EPDR1: variants seen among roughly 807,000 people sequenced by gnomAD.
EPDR1 encodes mammalian ependymin-related protein 1.
EPDR1 carries 27 observed loss-of-function variants against 23.7 expected under a neutral mutation model. The ratio of observed to expected loss-of-function variants is 1.14; its 90% CI spans 0.84 to 1.57. The LOEUF (loss-of-function observed/expected upper bound fraction) is 1.57. EPDR1 is among the 40% of genes most tolerant of loss of function. EPDR1 has a pLI of 0.00. For synonymous variants in EPDR1, 137 were observed against 118.2 expected (o/e 1.16, Z -1.03); for missense variants, 349 against 290.4 (o/e 1.20, Z -1.47).
At position 37,921,132 on chromosome 7, in the gene EPDR1, G is replaced by A; in HGVS notation, c.193G>A (p.Ala65Thr). The A allele has an allele frequency of 3.1e-6, 5 of 1,595,754 alleles. No homozygotes were observed. The highest frequency in any genetic ancestry group is 1.7e-4 in the Middle Eastern group (1 of 5,912). ...YQQSSGRNSR[A>T]LLSYDGLNQR... The stretch of plus-strand genomic sequence containing the variant: ...GCAAAGTAGCGGGCGCAACAGCCGC[G>A]CCCTGCTCTCCTACGACGGGCTCAA... The change falls in exon 1 of 3, where the codon GCC (alanine) becomes ACC (threonine). Residue 65 changes from alanine (A) to threonine (T), a missense_variant. By Grantham distance (58) the Ala-to-Thr change is moderately conservative. Coordinates refer to ENST00000199448, the MANE Select transcript of EPDR1 (RefSeq NM_017549.5).
At chr7:37,948,698 T>G in intron 1 of EPDR1, 142 bp from the exon 2 acceptor site, 1 of 647,850 alleles carries the variant, frequency 1.5e-6, no homozygotes, top group Non-Finnish European at 2.7e-6. Context: ...ATGTGCCTAG[T>G]GTTTATAAAC....
chr7:37,940,011 A>G (rs565361490), intron 1 of EPDR1, among the ~76,000 whole-genome samples: 2 of 152,336 alleles, frequency 1.3e-5, no homozygotes, highest in African/African-American at 4.8e-5. Context: ...TGTTAATATC[A>G]AAGGAATAGA....
intron 1 of EPDR1, among the ~76,000 whole-genome samples, chr7:37,921,820 C>T (rs1211330488): frequency 6.6e-6 from 1 of 152,098 alleles, no homozygotes; most frequent in African/African-American, 2.4e-5. Flanking sequence ...TGATCAAAAG[C>T]CATACGTTAT....
intron 1 of EPDR1, among the ~76,000 whole-genome samples, chr7:37,934,268 G>T (rs947394311): frequency 6.6e-6 from 1 of 152,096 alleles, no homozygotes; most frequent in African/African-American, 2.4e-5. Flanking sequence ...GAGCCACCAC[G>T]CCCGACCTAC....
Position 37,951,081 on chromosome 7 carries a change from T to A in EPDR1, c.*685T>A, listed in dbSNP as rs1468022352. 1 of 152,246 alleles carries A rather than the reference T, an allele frequency of 6.6e-6. No homozygotes were observed. Among genetic ancestry groups the A allele is most frequent in the Non-Finnish European group, 1.5e-5 (1 of 68,048 alleles). 9.4% of individuals were successfully genotyped at this position (152,246 alleles called of 1,614,324 possible). ...CAAGGCAGTTTAGAGAATCCTAATG[T>A]CTACACTGGCATAGCACGAGCCATG... On this transcript the variant is annotated 3_prime_UTR_variant, in exon 3 of 3. Coordinates refer to ENST00000199448, the MANE Select transcript of EPDR1 (RefSeq NM_017549.5).
chr7:37,946,604 G>A (rs1786281657), intron 1 of EPDR1, among the ~76,000 whole-genome samples: 1 of 152,184 alleles, frequency 6.6e-6, no homozygotes, highest in South Asian at 2.1e-4. Context: ...AACTGCCTCA[G>A]GCAGGTCCTT....
Position 37,937,293 on chromosome 7 carries a change from A to C in EPDR1, c.270-11547A>C, listed in dbSNP as rs542916143. ...AACAAAATAAAACCACACAGTTATG[A>C]TAGAAAACATGATGCATTCCTTTAT... On this transcript the variant is annotated intron_variant, in intron 1 of 2. Transcript: ENST00000199448. 2.0e-5 allele frequency among the ~76,000 whole-genome samples: 3 copies of C among 152,368 alleles called. No individual in the cohort carries two copies. In the South Asian group the frequency reaches 6.2e-4, roughly 32 times the overall value.
rs772387938 is a variant in EPDR1 at position 37,921,197 on chromosome 7, C to T, written c.258C>T (p.Ile86=). Residue 86 remains isoleucine (I), a synonymous_variant, in exon 1 of 3, where the codon ATC becomes ATT. Coordinates refer to ENST00000199448, the MANE Select transcript of EPDR1 (RefSeq NM_017549.5). The stretch of plus-strand genomic sequence containing the variant: ...TGCTGGACGAGAGGAAGGCGCTGAT[C>T]CCCTGCAAGAGGTACAGGTCATCGG... ...VRVLDERKAL[I]PCKRLFEYIL... The T allele has an allele frequency of 1.9e-6, 3 of 1,589,346 alleles. No individual in the cohort carries two copies. Among genetic ancestry groups the T allele is most frequent in the East Asian group, 2.3e-5 (1 of 43,660 alleles).
At chr7:37,926,017 C>T (rs1785802446) in intron 1 of EPDR1, among the ~76,000 whole-genome samples, 1 of 152,126 alleles carries the variant, frequency 6.6e-6, no homozygotes, top group African/African-American at 2.4e-5. Flanking sequence ...CGGGCCCAAA[C>T]TCAGAAGGCT....
intron 1 of EPDR1, among the ~76,000 whole-genome samples, chr7:37,928,079 A>G (rs1785853985): frequency 6.6e-6 from 1 of 152,216 alleles, no homozygotes. Flanking sequence ...GCACTGGGGA[A>G]AAAAGATCCA....
chr7:37,926,551 G>T (rs572888456), intron 1 of EPDR1: 515 of 295,404 alleles, frequency 1.7e-3, no homozygotes, highest in Non-Finnish European at 2.6e-3. Flanking sequence ...GTCTCTTTCT[G>T]TCTGGAATAG....
rs898399077 is a variant in EPDR1, at chr7:37,922,749, G to A, written c.269+1541G>A. Among the ~76,000 whole-genome samples, 3 of 152,108 alleles carry A rather than the reference G, an allele frequency of 2.0e-5. No homozygotes were observed. In the South Asian group the frequency reaches 6.2e-4, roughly 32 times the overall value. On this transcript the variant is annotated intron_variant, in intron 1 of 2. Transcript: ENST00000199448. ...AGCATTTGTTCATGTTAGGCACTGT[G>A]TATAAACAGAATGGCTCCTGGCTTT...
rs185281348 is a variant in EPDR1, at chr7:37,930,373, T to C, written c.269+9165T>C. Among the ~76,000 whole-genome samples the C allele has an allele frequency of 5.9e-5, 9 of 152,272 alleles. No homozygotes were observed. In the East Asian group the frequency reaches 1.7e-3, roughly 29 times the overall value. On this transcript the variant is annotated intron_variant, in intron 1 of 2. Transcript: ENST00000199448. Reference sequence around the variant, plus strand: ...CTGACGCAGCATTGTCAGCAATAGGTAACATATAACTTATGAGGAGTATCT... The same window carrying C: ...CTGACGCAGCATTGTCAGCAATAGGCAACATATAACTTATGAGGAGTATCT...
At chr7:37,931,160 A>G (rs1785929761) in intron 1 of EPDR1, among the ~76,000 whole-genome samples, 2 of 152,130 alleles carry the variant, frequency 1.3e-5, no homozygotes, top group African/African-American at 4.8e-5. Context: ...TTTGGTGTAT[A>G]CAATTTGGGT....
chr7:37,924,423 C>T (rs766091000), intron 1 of EPDR1, among the ~76,000 whole-genome samples: 11 of 152,220 alleles, frequency 7.2e-5, no homozygotes, highest in Non-Finnish European at 1.5e-4. Context: ...TTCCTGACCC[C>T]TTCCACTCAG....
intron 1 of EPDR1, chr7:37,926,847 T>G: frequency 2.9e-6 from 1 of 342,274 alleles, no homozygotes. Flanking sequence ...CATGTACATA[T>G]CCCATTCTTC....
rs942560836 is a variant in EPDR1, at chr7:37,922,384, C to T, written c.269+1176C>T. On this transcript the variant is annotated intron_variant, in intron 1 of 2. Coordinates refer to ENST00000199448, the MANE Select transcript of EPDR1 (RefSeq NM_017549.5). ...GAAATGCAGCACAGAGCAGCACAGTCATCATGGTGGACTGGGAATTGATTC... is the reference window on the plus strand; with the variant it reads ...GAAATGCAGCACAGAGCAGCACAGTTATCATGGTGGACTGGGAATTGATTC... Among the ~76,000 whole-genome samples, 4 of 152,294 alleles carry T rather than the reference C, an allele frequency of 2.6e-5. No individual in the cohort carries two copies. In the South Asian group the frequency reaches 8.3e-4, roughly 32 times the overall value.
chr7:37,951,920 G>A lies in EPDR1; in HGVS notation c.*1524G>A, dbSNP rs1786415910. On this transcript the variant is annotated 3_prime_UTR_variant, in exon 3 of 3. Transcript: ENST00000199448. ...AAAACAATGCTGTAATAAATAAAGTGCTTCATGTGATCAAAATCAAATTTG... is the reference window on the plus strand; with the variant it reads ...AAAACAATGCTGTAATAAATAAAGTACTTCATGTGATCAAAATCAAATTTG... 6.6e-6 allele frequency: 1 copy of A among 152,192 alleles called. No individual in the cohort carries two copies. Among genetic ancestry groups the A allele is most frequent in the South Asian group, 2.1e-4 (1 of 4,820 alleles). 9.4% of individuals were successfully genotyped at this position (152,192 alleles called of 1,614,324 possible). A position where few individuals can be genotyped will look rare whatever the true frequency, so the allele number is the denominator to read the frequency against.
At chr7:37,929,041 C>T (rs527328637) in intron 1 of EPDR1, among the ~76,000 whole-genome samples, 3 of 152,186 alleles carry the variant, frequency 2.0e-5, no homozygotes, top group Non-Finnish European at 4.4e-5. Context: ...CTGTCACCAG[C>T]TCACTCATTG....
Sources: allele counts gnomAD v4.1 joint callset (sites outside exome capture counted in the v4.1 genomes callset), GRCh38; gene constraint gnomAD v4.1.1; transcripts MANE v1.5; gene names NCBI Gene and HGNC (gene_info 2026-07-23, HGNC 2026-07-21).